Variants in L3MBTL4 observed in about 807,000 individuals in gnomAD.
L3MBTL4 encodes lethal(3)malignant brain tumor-like protein 4.
Under a neutral mutation model 84.5 loss-of-function variants are expected in L3MBTL4, and 70 were observed. The observed-to-expected ratio is 0.83, with a 90% confidence interval of 0.68 to 1.01. L3MBTL4 has a LOEUF of 1.01. Ranked by LOEUF, L3MBTL4 falls within the 50% of genes least tolerant of loss-of-function variation. L3MBTL4 has a pLI of 0.00. For synonymous variants in L3MBTL4, 274 were observed against 259.8 expected (o/e 1.05, Z -0.52); for missense variants, 715 against 754.8 (o/e 0.95, Z 0.62).
At chr18:6,376,313 AC>A (rs527564405) in intron 1 of L3MBTL4, among the ~76,000 whole-genome samples, 5 of 152,160 alleles carry the variant, frequency 3.3e-5, no homozygotes, top group Non-Finnish European at 7.4e-5. Flanking sequence ...AAAATTATCC[AC>A]AGTAGCACCC....
intron 13 of L3MBTL4, among the ~76,000 whole-genome samples, chr18:6,159,231 C>T (rs1477771494): frequency 1.3e-5 from 2 of 152,220 alleles, no homozygotes; most frequent in Admixed American, 1.3e-4. Context: ...CAGGTTGGGA[C>T]CTCTCACTGG....
chr18:6,345,292 G>A (rs2052834633), intron 1 of L3MBTL4, among the ~76,000 whole-genome samples: 1 of 151,392 alleles, frequency 6.6e-6, no homozygotes. Context: ...AGCTATATGG[G>A]AAGCTGAGGC....
At position 6,122,628 on chromosome 18, in the gene L3MBTL4, C is replaced by T. The variant is rs112106484; in HGVS notation, c.1199+15566G>A. ...ATGTGGAACTGTAAGTCAAATTAAA[C>T]CCTCCTTCTTTTGTAAATTGCGCAG... On this transcript the variant is annotated intron_variant, in intron 14 of 18. Transcript: ENST00000317931. 3.7e-3 allele frequency among the ~76,000 whole-genome samples: 560 copies of T among 152,278 alleles called. 4 individuals carry two copies. Among genetic ancestry groups the T allele is most frequent in the African/African-American group, 0.013 (523 of 41,562 alleles).
At chr18:6,175,236 T>C (rs2044174853) in intron 12 of L3MBTL4, among the ~76,000 whole-genome samples, 2 of 152,102 alleles carry the variant, frequency 1.3e-5, no homozygotes, top group Non-Finnish European at 2.9e-5. Context: ...TGGGCCACCT[T>C]CTCACCAGAA....
intron 13 of L3MBTL4, among the ~76,000 whole-genome samples, chr18:6,145,430 T>A (rs1381742608): frequency 6.6e-6 from 1 of 152,032 alleles, no homozygotes; most frequent in Non-Finnish European, 1.5e-5. Flanking sequence ...CAAATTAAGA[T>A]GGTCTACTCA....
chr18:6,289,883 C>T (rs1367789355), intron 4 of L3MBTL4, among the ~76,000 whole-genome samples: 1 of 152,156 alleles, frequency 6.6e-6, no homozygotes, highest in East Asian at 1.9e-4. Context: ...AGTAACCTTT[C>T]ATCAGATTTC....
chr18:5,978,655 C>T (rs1567941689), intron 16 of L3MBTL4, among the ~76,000 whole-genome samples: 1 of 152,148 alleles, frequency 6.6e-6, no homozygotes, highest in Non-Finnish European at 1.5e-5. Context: ...TGGGCATGCA[C>T]AAAACTGAAA....
intron 1 of L3MBTL4, among the ~76,000 whole-genome samples, chr18:6,340,015 C>T (rs776233965): frequency 1.3e-5 from 2 of 152,108 alleles, no homozygotes; most frequent in African/African-American, 2.4e-5. Flanking sequence ...TAACACAAAG[C>T]TCACATTCTT....
At chr18:6,273,717 G>C (rs1336113138) in intron 4 of L3MBTL4, among the ~76,000 whole-genome samples, 1 of 152,212 alleles carries the variant, frequency 6.6e-6, no homozygotes, top group African/African-American at 2.4e-5. Flanking sequence ...TGGCCTGGGA[G>C]GCAAAGGAAG....
chr18:5,968,376 C>A (rs1340256896), intron 17 of L3MBTL4, among the ~76,000 whole-genome samples: 3 of 152,090 alleles, frequency 2.0e-5, no homozygotes, highest in African/African-American at 7.2e-5. Flanking sequence ...TATTGTAAAG[C>A]AATGGGGCTT....
intron 12 of L3MBTL4, among the ~76,000 whole-genome samples, chr18:6,203,400 C>T (rs1402688977): frequency 6.6e-6 from 1 of 152,122 alleles, no homozygotes; most frequent in Non-Finnish European, 1.5e-5. Context: ...GAAGTTTATT[C>T]CAAAATTAGG....
At position 6,196,157 on chromosome 18, in the gene L3MBTL4, C is replaced by CTTTTTTTT. The variant is rs71370547; in HGVS notation, c.981+16984_981+16991dup. 1.3e-3 allele frequency among the ~76,000 whole-genome samples: 172 copies of CTTTTTTTT among 130,186 alleles called. 11 individuals are homozygous for CTTTTTTTT. The highest frequency in any genetic ancestry group is 4.9e-3 in the African/African-American group (150 of 30,520). 85.4% of individuals were successfully genotyped at this position (130,186 alleles called of 152,430 possible). On this transcript the variant is annotated intron_variant, in intron 12 of 18. Transcript: ENST00000317931. ...TCATTTGTGCCTATCTAGAGTTCCT[C>CTTTTTTTT]TTTTTTTTTTTTTTTTTTGAGACTG...
intron 4 of L3MBTL4, 42 bp from the exon 5 acceptor site, chr18:6,264,080 G>T: frequency 7.2e-7 from 1 of 1,388,242 alleles, no homozygotes; most frequent in Non-Finnish European, 1.0e-6. Flanking sequence ...AATGATTAGT[G>T]ACAGGAAAAT....
intron 14 of L3MBTL4, among the ~76,000 whole-genome samples, chr18:6,128,036 G>T (rs200363801): frequency 0.032 from 4,285 of 135,004 alleles, 141 homozygotes; most frequent in Middle Eastern, 0.06. Flanking sequence ...TATTGGGTGG[G>T]GCGGGGGAAG....
intron 16 of L3MBTL4, among the ~76,000 whole-genome samples, chr18:6,013,546 C>T (rs1333915585): frequency 2.0e-5 from 3 of 152,240 alleles, no homozygotes; most frequent in Non-Finnish European, 4.4e-5. Flanking sequence ...TGCTCATACC[C>T]TTGGCAGCCC....
chr18:6,222,775 A>T (rs934202069), intron 10 of L3MBTL4, among the ~76,000 whole-genome samples: 1 of 152,002 alleles, frequency 6.6e-6, no homozygotes, highest in Non-Finnish European at 1.5e-5. Context: ...CAATTCATTA[A>T]TTAATAATTT....
intron 12 of L3MBTL4, among the ~76,000 whole-genome samples, chr18:6,193,305 G>C (rs534554281): frequency 2.0e-5 from 3 of 152,142 alleles, no homozygotes; most frequent in Admixed American, 6.5e-5. Flanking sequence ...CCAAGCAGGG[G>C]CATGTGTAGT....
At chr18:6,295,953 T>C (rs2050092417) in intron 4 of L3MBTL4, among the ~76,000 whole-genome samples, 2 of 152,324 alleles carry the variant, frequency 1.3e-5, no homozygotes, top group Admixed American at 1.3e-4. Context: ...GCATCTGTAT[T>C]AATAGGACTT....
intron 11 of L3MBTL4, among the ~76,000 whole-genome samples, chr18:6,215,170 GA>G (rs897052713): frequency 6.6e-6 from 1 of 152,178 alleles, no homozygotes; most frequent in African/African-American, 2.4e-5. Flanking sequence ...AATAGAGTTT[GA>G]AAACCGCTGG....
Sources: allele counts gnomAD v4.1 joint callset (sites outside exome capture counted in the v4.1 genomes callset), GRCh38; gene constraint gnomAD v4.1.1; transcripts MANE v1.5; gene names NCBI Gene and HGNC (gene_info 2026-07-23, HGNC 2026-07-21).